The following B3GALT1 variants were observed in gnomAD, a reference collection of about 807,000 sequenced individuals.
B3GALT1 encodes UDP-Gal:betaGlcNAc beta 1,3-galactosyltransferase, polypeptide 1.
A neutral mutation model predicts 23.2 loss-of-function variants in B3GALT1; 10 were observed. The observed-to-expected ratio is 0.43, with a 90% CI of 0.27 to 0.73. B3GALT1 has a LOEUF of 0.73. Ranked by LOEUF, B3GALT1 falls within the 30% of genes least tolerant of loss-of-function variation. B3GALT1 has a pLI of 0.21. For missense variants in B3GALT1, 299 were observed against 405.4 expected, an observed-to-expected ratio of 0.74 and a Z score of 2.25; for synonymous variants, 156 against 141.5, an observed-to-expected ratio of 1.10 and a Z score of -0.73.
intron 2 of B3GALT1, among the ~76,000 whole-genome samples, chr2:167,600,279 G>A (rs1259714259): frequency 1.3e-5 from 2 of 152,144 alleles, no homozygotes; most frequent in Non-Finnish European, 2.9e-5. Flanking sequence ...ATGTTATTGA[G>A]AACGGCCAGT....
At chr2:167,772,466 A>C (rs1370703866) in intron 3 of B3GALT1, among the ~76,000 whole-genome samples, 1 of 152,166 alleles carries the variant, frequency 6.6e-6, no homozygotes, top group Non-Finnish European at 1.5e-5. Context: ...ACTGAAAATG[A>C]CTAACTCAGA....
intron 3 of B3GALT1, among the ~76,000 whole-genome samples, chr2:167,752,688 C>T (rs1192260562): frequency 6.8e-6 from 1 of 148,092 alleles, no homozygotes; most frequent in Non-Finnish European, 1.5e-5. Flanking sequence ...TAGAAATTAA[C>T]ATCTCCTAGG....
intron 1 of B3GALT1, among the ~76,000 whole-genome samples, chr2:167,371,962 A>G (rs1697693048): frequency 1.3e-5 from 2 of 151,742 alleles, no homozygotes; most frequent in South Asian, 4.1e-4. Context: ...TTAGTAATCT[A>G]TTGAAATGTG....
intron 1 of B3GALT1, among the ~76,000 whole-genome samples, chr2:167,373,005 A>T (rs1697708952): frequency 6.6e-6 from 1 of 152,128 alleles, no homozygotes. Context: ...CCTGACCTAG[A>T]ATAACCAAAA....
intron 3 of B3GALT1, among the ~76,000 whole-genome samples, chr2:167,771,810 G>A (rs930272878): frequency 3.9e-5 from 6 of 152,160 alleles, no homozygotes; most frequent in Admixed American, 6.6e-5. Flanking sequence ...GCCAGGTTGG[G>A]ATGGGGACGA....
intron 2 of B3GALT1, among the ~76,000 whole-genome samples, chr2:167,629,381 G>A (rs1685400578): frequency 2.0e-5 from 3 of 151,828 alleles, no homozygotes; most frequent in African/African-American, 7.2e-5. Context: ...TTTGACGTCA[G>A]CCTATGGGCA....
At chr2:167,814,462 CAATT>C (rs891573212) in intron 3 of B3GALT1, among the ~76,000 whole-genome samples, 25 of 152,232 alleles carry the variant, frequency 1.6e-4, no homozygotes, top group African/African-American at 5.1e-4. Context: ...GCACTGCTAA[CAATT>C]AAGAATTTAC....
chr2:167,522,299 C>T (rs193099190), intron 2 of B3GALT1, among the ~76,000 whole-genome samples: 2 of 152,038 alleles, frequency 1.3e-5, no homozygotes, highest in East Asian at 1.9e-4. Context: ...AAAATCTTCT[C>T]CAGATTTAGT....
intron 3 of B3GALT1, among the ~76,000 whole-genome samples, chr2:167,807,435 T>C (rs1688778321): frequency 6.6e-6 from 1 of 152,202 alleles, no homozygotes; most frequent in South Asian, 2.1e-4. Flanking sequence ...CTTTCCTGCT[T>C]TCTCTTGTGG....
intron 1 of B3GALT1, among the ~76,000 whole-genome samples, chr2:167,452,403 C>A (rs749989119): frequency 2.0e-5 from 3 of 152,136 alleles, no homozygotes; most frequent in Non-Finnish European, 4.4e-5. Flanking sequence ...GTATTTCACT[C>A]GGCTCTCTAA....
At chr2:167,688,922 G>C (rs1021627117) in intron 3 of B3GALT1, among the ~76,000 whole-genome samples, 2 of 152,080 alleles carry the variant, frequency 1.3e-5, no homozygotes, top group Non-Finnish European at 2.9e-5. Flanking sequence ...TACTATGTGT[G>C]TATGTGTGTA....
intron 1 of B3GALT1, among the ~76,000 whole-genome samples, chr2:167,428,106 A>AT (rs1365547286): frequency 6.6e-6 from 1 of 152,248 alleles, no homozygotes; most frequent in African/African-American, 2.4e-5. Context: ...AGCCACACAT[A>AT]AATACAGATA....
chr2:167,294,526 C>T (rs1696317740), intron 1 of B3GALT1, among the ~76,000 whole-genome samples: 1 of 152,232 alleles, frequency 6.6e-6, no homozygotes. Flanking sequence ...GTGGGTTCTC[C>T]ATCCCTGCTC....
chr2:167,742,464 G>GA (rs1056758300), intron 3 of B3GALT1, among the ~76,000 whole-genome samples: 24 of 151,850 alleles, frequency 1.6e-4, no homozygotes, highest in Non-Finnish European at 2.6e-4. Flanking sequence ...AACAGTTTAA[G>GA]AAAAAAACAC....
intron 4 of B3GALT1, among the ~76,000 whole-genome samples, chr2:167,845,715 C>A (rs865896939): frequency 6.6e-6 from 1 of 151,714 alleles, no homozygotes; most frequent in Non-Finnish European, 1.5e-5. Context: ...CCCACCCCCC[C>A]GCAACAACAA....
chr2:167,715,570 C>T (rs1286609670), intron 3 of B3GALT1: 3 of 1,613,800 alleles, frequency 1.9e-6, no homozygotes, highest in Admixed American at 1.7e-5. Flanking sequence ...TATCTGCCAT[C>T]AGTTCATCTT....
intron 2 of B3GALT1, among the ~76,000 whole-genome samples, chr2:167,501,892 T>TA (rs1699854141): frequency 6.6e-6 from 1 of 152,164 alleles, no homozygotes; most frequent in African/African-American, 2.4e-5. Context: ...CATATGACAT[T>TA]TATGGCAAGA....
chr2:167,301,527 G>T (rs1202903635), intron 1 of B3GALT1, among the ~76,000 whole-genome samples: 17 of 152,066 alleles, frequency 1.1e-4, no homozygotes, highest in Admixed American at 1.1e-3. Context: ...GTCCTACCAA[G>T]ACCACATTCT....
chr2:167,387,934 G>A (rs1182253065), intron 1 of B3GALT1, among the ~76,000 whole-genome samples: 1 of 152,146 alleles, frequency 6.6e-6, no homozygotes, highest in Non-Finnish European at 1.5e-5. Context: ...AGGAACGTAT[G>A]TAACTTAATG....
Sources: gnomAD v4.1 joint callset for allele counts (sites outside exome capture counted in the v4.1 genomes callset) on GRCh38, gnomAD v4.1.1 for gene constraint, MANE v1.5 for transcripts, NCBI Gene and HGNC (gene_info 2026-07-23, HGNC 2026-07-21) for gene names.